ZFPM2: variants seen among roughly 807,000 people sequenced by gnomAD.
ZFPM2 encodes the protein zinc finger protein ZFPM2.
In ZFPM2, 20 loss-of-function variants were observed where a neutral mutation model predicts 98.6. The ratio of observed to expected loss-of-function variants is 0.20; its 90% CI spans 0.14 to 0.29. The LOEUF (loss-of-function observed/expected upper bound fraction) is 0.29. Among genes scored for constraint, ZFPM2 ranks in the 10% least tolerant of loss-of-function variants. The probability of loss-of-function intolerance (pLI) is 1.00; values close to 1 mark genes in which losing one functional copy is unlikely to be tolerated. For missense variants in ZFPM2, 1,310 were observed against 1,388.6 expected, an observed-to-expected ratio of 0.94 and a Z score of 0.90; for synonymous variants, 518 against 502.7, an observed-to-expected ratio of 1.03 and a Z score of -0.41.
At chr8:105,436,291 A>T (rs898446338) in intron 2 of ZFPM2, among the ~76,000 whole-genome samples, 7 of 152,084 alleles carry the variant, frequency 4.6e-5, no homozygotes, top group African/African-American at 1.4e-4. Context: ...AGGCTGAAGC[A>T]GGCTGGTCAC....
rs1221393924 is a variant in ZFPM2, at chr8:105,318,482, G to C, written c.-460G>C. ...CCGGAGCGGCGGCGGCGGCGCCGGA[G>C]TATCCGTCCCGCACGCCGGGGCGAG... On this transcript the variant is annotated 5_prime_UTR_variant, in exon 1 of 8. Transcript: ENST00000407775. Among the ~76,000 whole-genome samples the C allele has an allele frequency of 1.3e-5, 2 of 150,350 alleles. No homozygotes were observed. The highest frequency in any genetic ancestry group is 2.4e-5 in the African/African-American group (1 of 41,006).
intron 5 of ZFPM2, among the ~76,000 whole-genome samples, chr8:105,744,399 A>G (rs143173700): frequency 6.6e-6 from 1 of 152,090 alleles, no homozygotes; most frequent in Non-Finnish European, 1.5e-5. Flanking sequence ...TGCTTATCAC[A>G]TATGCATTGA....
At chr8:105,585,171 G>T (rs897239501) in intron 4 of ZFPM2, among the ~76,000 whole-genome samples, 1 of 152,142 alleles carries the variant, frequency 6.6e-6, no homozygotes, top group Non-Finnish European at 1.5e-5. Context: ...TTTTTAAAAA[G>T]ACCTTAGTGT....
At chr8:105,408,970 A>C (rs1811522250) in intron 1 of ZFPM2, among the ~76,000 whole-genome samples, 1 of 151,854 alleles carries the variant, frequency 6.6e-6, no homozygotes, top group South Asian at 2.1e-4. Flanking sequence ...AATCCCACAG[A>C]CTACACTTGG....
intron 5 of ZFPM2, among the ~76,000 whole-genome samples, chr8:105,773,260 C>G (rs1176770793): frequency 6.6e-6 from 1 of 152,120 alleles, no homozygotes; most frequent in Non-Finnish European, 1.5e-5. Flanking sequence ...CATCTATGTA[C>G]TATAAATAGC....
Position 105,318,493 on chromosome 8 carries a change from G to A in ZFPM2, c.-449G>A, listed in dbSNP as rs1811949595. Among the ~76,000 whole-genome samples, 1 of 148,710 alleles carries A rather than the reference G, an allele frequency of 6.7e-6. No homozygotes were observed. On this transcript the variant is annotated 5_prime_UTR_variant, in exon 1 of 8. Transcript: ENST00000407775. ...GCGGCGGCGCCGGAGTATCCGTCCC[G>A]CACGCCGGGGCGAGGGGCGAGCGAG...
At chr8:105,342,783 A>C (rs1812453177) in intron 1 of ZFPM2, among the ~76,000 whole-genome samples, 1 of 152,066 alleles carries the variant, frequency 6.6e-6, no homozygotes, top group African/African-American at 2.4e-5. Context: ...AAAAACATCT[A>C]ATTTCACTTT....
At position 105,598,399 on chromosome 8, in the gene ZFPM2, A is replaced by G. The variant is rs138254841; in HGVS notation, c.421-35847A>G. Among the ~76,000 whole-genome samples, 4 of 152,304 alleles carry G rather than the reference A, an allele frequency of 2.6e-5. No individual in the cohort carries two copies. The East Asian group carries it at 7.7e-4, about 29-fold the overall frequency. ...ATTTTGATAAAGGGCTTTTTTCTCT[A>G]TCACCATGAATGCATTTTAAACTTA... On this transcript the variant is annotated intron_variant, in intron 4 of 7. Transcript: ENST00000407775.
chr8:105,470,824 A>G (rs1467089102), intron 3 of ZFPM2, among the ~76,000 whole-genome samples: 1 of 151,672 alleles, frequency 6.6e-6, no homozygotes, highest in Non-Finnish European at 1.5e-5. Flanking sequence ...TTCATTGATG[A>G]TATTAGTTAT....
intron 3 of ZFPM2, among the ~76,000 whole-genome samples, chr8:105,483,241 A>T (rs1037077122): frequency 2.0e-5 from 3 of 152,072 alleles, no homozygotes; most frequent in Admixed American, 2.0e-4. Flanking sequence ...TTTGGTCTAA[A>T]CAAAAACTTT....
intron 3 of ZFPM2, among the ~76,000 whole-genome samples, chr8:105,514,422 A>G (rs1027858219): frequency 2.1e-4 from 32 of 151,006 alleles, no homozygotes; most frequent in African/African-American, 7.8e-4. Flanking sequence ...TCTAATGTAT[A>G]CATGTAACCT....
chr8:105,586,234 A>G (rs72673756), intron 4 of ZFPM2, among the ~76,000 whole-genome samples: 25,563 of 152,068 alleles, frequency 0.17, 2,410 homozygotes, highest in Middle Eastern at 0.24. Context: ...ACTTCAAGGT[A>G]TACTGCAGAT....
rs949758324 is a variant in ZFPM2, at chr8:105,586,845, A to AT, written c.420+25368dup. Among the ~76,000 whole-genome samples, 3 of 134,682 alleles carry AT rather than the reference A, an allele frequency of 2.2e-5. No individual in the cohort carries two copies. The East Asian group carries it at 5.8e-4, about 26-fold the overall frequency. 88.4% of individuals were successfully genotyped at this position (134,682 alleles called of 152,430 possible). A position where few individuals can be genotyped will look rare whatever the true frequency, so the allele number is the denominator to read the frequency against. On this transcript the variant is annotated intron_variant, in intron 4 of 7. Transcript: ENST00000407775. ...TATGTGTGCATATTTATATATAAAT[A>AT]TTTTATATATATATATATATTCTTT...
At chr8:105,331,168 T>C (rs369135316) in intron 1 of ZFPM2, among the ~76,000 whole-genome samples, 4 of 146,664 alleles carry the variant, frequency 2.7e-5, no homozygotes, top group Non-Finnish European at 6.0e-5. Context: ...ATATATATTA[T>C]ACACACACAC....
At chr8:105,672,805 T>C (rs951725990) in intron 5 of ZFPM2, among the ~76,000 whole-genome samples, 1 of 152,194 alleles carries the variant, frequency 6.6e-6, no homozygotes, top group African/African-American at 2.4e-5. Context: ...ACCTAAGCCA[T>C]GTCCTTCGAG....
intron 4 of ZFPM2, among the ~76,000 whole-genome samples, chr8:105,613,374 A>T (rs1248679875): frequency 6.6e-6 from 1 of 152,160 alleles, no homozygotes; most frequent in Non-Finnish European, 1.5e-5. Context: ...AGTAATTACT[A>T]TTAGAGTAAA....
chr8:105,579,911 C>G (rs1175503438), intron 4 of ZFPM2, among the ~76,000 whole-genome samples: 4 of 152,134 alleles, frequency 2.6e-5, no homozygotes, highest in African/African-American at 9.7e-5. Context: ...ATAGCTGTGC[C>G]TGCTTACCAT....
chr8:105,602,334 T>G (rs1306095866), intron 4 of ZFPM2, among the ~76,000 whole-genome samples: 2 of 152,138 alleles, frequency 1.3e-5, no homozygotes, highest in Non-Finnish European at 2.9e-5. Flanking sequence ...GGATGCAAAT[T>G]ACAGGAAGAT....
chr8:105,539,992 A>G (rs1464240566), intron 3 of ZFPM2, among the ~76,000 whole-genome samples: 1 of 152,144 alleles, frequency 6.6e-6, no homozygotes, highest in Non-Finnish European at 1.5e-5. Context: ...TATTAAAGTC[A>G]GCTTTCCTTA....
Sources: gnomAD v4.1 joint callset for allele counts (sites outside exome capture counted in the v4.1 genomes callset) on GRCh38, gnomAD v4.1.1 for gene constraint, MANE v1.5 for transcripts, NCBI Gene and HGNC (gene_info 2026-07-23, HGNC 2026-07-21) for gene names.